The following FHIT variants were observed in gnomAD, a reference collection of about 807,000 sequenced individuals.
The protein encoded by FHIT is fragile histidine triad diadenosine triphosphatase.
FHIT carries 19 observed loss-of-function variants against 17.9 expected under a neutral mutation model. That is an observed-to-expected ratio of 1.06 (90% CI 0.74 to 1.56). The LOEUF (loss-of-function observed/expected upper bound fraction) is 1.56. Among genes scored for constraint, FHIT ranks in the 40% most tolerant of loss-of-function variants. The pLI is 0.00. For missense variants in FHIT, 248 were observed against 189.2 expected, an observed-to-expected ratio of 1.31 and a Z score of -1.82; for synonymous variants, 81 against 69.7, an observed-to-expected ratio of 1.16 and a Z score of -0.81.
At chr3:60,621,615 A>G (rs782086745) in intron 4 of FHIT, among the ~76,000 whole-genome samples, 3 of 152,266 alleles carry the variant, frequency 2.0e-5, no homozygotes, top group African/African-American at 4.8e-5. Context: ...CAGAAAATAC[A>G]TGTGCAAGGT....
chr3:59,793,352 A>T (rs564827801), intron 8 of FHIT, among the ~76,000 whole-genome samples: 130 of 152,300 alleles, frequency 8.5e-4, no homozygotes, highest in Non-Finnish European at 1.4e-3. Context: ...ACAGGCCAGA[A>T]AGAAAGTGTA....
chr3:59,910,330 G>A (rs1290134770), intron 8 of FHIT, among the ~76,000 whole-genome samples: 1 of 152,210 alleles, frequency 6.6e-6, no homozygotes, highest in African/African-American at 2.4e-5. Flanking sequence ...CTCCAAAGGA[G>A]GCAATCAGAT....
chr3:60,834,202 A>G (rs965859872), intron 3 of FHIT, among the ~76,000 whole-genome samples: 10 of 152,246 alleles, frequency 6.6e-5, no homozygotes, highest in African/African-American at 2.4e-4. Flanking sequence ...ACCATTTTCT[A>G]GAGTGGCTAT....
chr3:59,752,024 GGAGAGTTGGAAGAGA>G, intron 9 of FHIT, 182 bp downstream of exon 9: 1 of 469,036 alleles, frequency 2.1e-6, no homozygotes, highest in Non-Finnish European at 3.8e-6. Context: ...TGAAGAGGCA[GGAGAGTTGGAAGAGA>G]CTGGGAGGCT....
intron 4 of FHIT, among the ~76,000 whole-genome samples, chr3:60,607,246 A>G (rs191711144): frequency 6.6e-6 from 1 of 152,014 alleles, no homozygotes; most frequent in African/African-American, 2.4e-5. Flanking sequence ...AGAATAATAT[A>G]AATTTTCAGA....
intron 7 of FHIT, among the ~76,000 whole-genome samples, chr3:59,967,274 C>T: frequency 6.6e-6 from 1 of 152,090 alleles, no homozygotes; most frequent in Non-Finnish European, 1.5e-5. Context: ...TAAATACACT[C>T]TAAAATAACA....
intron 3 of FHIT, among the ~76,000 whole-genome samples, chr3:60,823,853 A>G (rs1584336): frequency 0.68 from 103,757 of 152,066 alleles, 38,601 homozygotes; most frequent in East Asian, 1. Context: ...GCAGGGGACA[A>G]CCATGATGAT....
At chr3:60,233,819 G>T (rs2107558180) in intron 5 of FHIT, among the ~76,000 whole-genome samples, 1 of 152,172 alleles carries the variant, frequency 6.6e-6, no homozygotes, top group Middle Eastern at 3.4e-3. Flanking sequence ...GTTTTATGAA[G>T]GGGAGTCCCC....
Position 60,390,410 on chromosome 3 carries a change from A to C in FHIT, c.103+146450T>G, listed in dbSNP as rs1045003853. 6.3e-4 allele frequency among the ~76,000 whole-genome samples: 75 copies of C among 118,920 alleles called. 3 individuals are homozygous for C. The highest frequency in any genetic ancestry group is 1.0e-3 in the Non-Finnish European group (59 of 56,824). The allele number at this position is 118,920 out of a possible 152,430, so 78.0% of individuals were successfully genotyped here. A position where few individuals can be genotyped will look rare whatever the true frequency, so the allele number is the denominator to read the frequency against. On this transcript the variant is annotated intron_variant, in intron 5 of 9. Coordinates refer to ENST00000492590, the MANE Select transcript of FHIT (RefSeq NM_002012.4). ...TGTAATGGAGCTAAAAAAAAAAAAA[A>C]AAAAAAAAAAAAAAAAAACCCGTAC... is the stretch of plus-strand genomic sequence containing the variant.
intron 4 of FHIT, among the ~76,000 whole-genome samples, chr3:60,566,450 G>A (rs2037137597): frequency 6.6e-6 from 1 of 152,078 alleles, no homozygotes; most frequent in Admixed American, 6.6e-5. Flanking sequence ...GTATTGATGA[G>A]ACGTATCTCA....
At chr3:59,791,468 T>C (rs918394423) in intron 8 of FHIT, among the ~76,000 whole-genome samples, 3 of 152,160 alleles carry the variant, frequency 2.0e-5, no homozygotes, top group African/African-American at 7.2e-5. Flanking sequence ...ACATTGCTTG[T>C]GCCCCTGGAT....
At chr3:60,566,154 G>T (rs902067691) in intron 4 of FHIT, among the ~76,000 whole-genome samples, 6 of 152,030 alleles carry the variant, frequency 3.9e-5, no homozygotes, top group African/African-American at 1.2e-4. Context: ...TTTTACATTT[G>T]CTGAGGAGTG....
chr3:60,005,883 A>G (rs1361192495), intron 7 of FHIT, among the ~76,000 whole-genome samples: 5 of 152,152 alleles, frequency 3.3e-5, no homozygotes, highest in Non-Finnish European at 7.4e-5. Context: ...TACACATCAA[A>G]TCTTTCCTAG....
chr3:60,111,885 C>T (rs376399210), intron 5 of FHIT, among the ~76,000 whole-genome samples: 1 of 152,208 alleles, frequency 6.6e-6, no homozygotes, highest in Non-Finnish European at 1.5e-5. Flanking sequence ...AATTAAACAT[C>T]CAACTCTTTG....
intron 2 of FHIT, among the ~76,000 whole-genome samples, chr3:61,196,808 TC>T (rs1343239542): frequency 6.6e-6 from 1 of 152,152 alleles, no homozygotes; most frequent in African/African-American, 2.4e-5. Context: ...ACTGTGGCCT[TC>T]CTTAGAGGGA....
chr3:60,614,821 TTTTTTTTTTGTTTTTTTTTTG>T lies in FHIT; in HGVS notation c.-17-77863_-17-77843del, dbSNP rs2038900326. 1.2e-4 allele frequency among the ~76,000 whole-genome samples: 9 copies of T among 78,200 alleles called. 2 individuals are homozygous for T. Among genetic ancestry groups the T allele is most frequent in the Middle Eastern group, 0.011 (2 of 180 alleles). The allele number at this position is 78,200 out of a possible 152,430, so 51.3% of individuals were successfully genotyped here. Reference sequence around the variant, plus strand: ...AATTGCAAAAGTTGTTTTTTTTTTGTTTTTTTTTTGTTTTTTTTTTGTTTTTTGAGATGGAGCCCTGCTCTG... The same window carrying T: ...AATTGCAAAAGTTGTTTTTTTTTTGTTTTTTTGAGATGGAGCCCTGCTCTG... On this transcript the variant is annotated intron_variant, in intron 4 of 9. Transcript: ENST00000492590.
intron 4 of FHIT, among the ~76,000 whole-genome samples, chr3:60,725,360 C>T (rs1407000964): frequency 3.3e-5 from 5 of 152,094 alleles, no homozygotes; most frequent in Admixed American, 3.3e-4. Context: ...GAAACCATTG[C>T]CTAACACAAG....
At chr3:60,980,292 G>A (rs992804611) in intron 3 of FHIT, among the ~76,000 whole-genome samples, 3 of 152,126 alleles carry the variant, frequency 2.0e-5, no homozygotes, top group African/African-American at 4.8e-5. Flanking sequence ...AGTAACTGAC[G>A]TAGCTGAAGA....
intron 4 of FHIT, among the ~76,000 whole-genome samples, chr3:60,819,313 T>C (rs1701847901): frequency 6.6e-6 from 1 of 152,144 alleles, no homozygotes; most frequent in African/African-American, 2.4e-5. Context: ...AGACTTGGAA[T>C]GAAAACACAG....
Sources: gnomAD v4.1 joint callset for allele counts (sites outside exome capture counted in the v4.1 genomes callset) on GRCh38, gnomAD v4.1.1 for gene constraint, MANE v1.5 for transcripts, NCBI Gene and HGNC (gene_info 2026-07-23, HGNC 2026-07-21) for gene names.